Variants in CELF6 observed in about 807,000 individuals in gnomAD.
CELF6 encodes CUGBP Elav-like family member 6.
Under a neutral mutation model 53.1 loss-of-function variants are expected in CELF6, and 32 were observed. That is an observed-to-expected ratio of 0.60 (90% CI 0.46 to 0.81). The LOEUF is 0.81. Ranked by LOEUF, CELF6 falls within the 30% of genes least tolerant of loss-of-function variation. CELF6 has a pLI of 0.00. For missense variants in CELF6, 539 were observed against 669.5 expected, an observed-to-expected ratio of 0.81 and a Z score of 2.15; for synonymous variants, 291 against 288.8, an observed-to-expected ratio of 1.01 and a Z score of -0.08.
intron 3 of CELF6, among the ~76,000 whole-genome samples, chr15:72,297,793 G>T (rs372805431): frequency 6.6e-5 from 10 of 152,320 alleles, no homozygotes; most frequent in African/African-American, 2.4e-4. Context: ...TCTGCAAGAA[G>T]AAAAAGTTCT....
At chr15:72,300,856 A>G (rs1299923997) in intron 3 of CELF6, among the ~76,000 whole-genome samples, 2 of 152,144 alleles carry the variant, frequency 1.3e-5, no homozygotes, top group East Asian at 1.9e-4. Context: ...AAAAAAACTC[A>G]TGTGTGCACA....
intron 2 of CELF6, 61 bp from the exon 3 acceptor site, chr15:72,304,855 C>T (rs1433297398): frequency 6.5e-7 from 1 of 1,530,426 alleles, no homozygotes; most frequent in Non-Finnish European, 9.0e-7. Context: ...GAGCCCCCAG[C>T]TTCTCGAACC....
At chr15:72,291,159 A>G (rs1438098130) in intron 3 of CELF6, among the ~76,000 whole-genome samples, 1 of 152,006 alleles carries the variant, frequency 6.6e-6, no homozygotes, top group African/African-American at 2.4e-5. Flanking sequence ...CCCTGTGTCC[A>G]CCCTTTCTAT....
intron 3 of CELF6, among the ~76,000 whole-genome samples, chr15:72,298,579 G>A (rs543570915): frequency 6.6e-6 from 1 of 152,288 alleles, no homozygotes; most frequent in East Asian, 1.9e-4. Flanking sequence ...CTGAGTAAAG[G>A]ACACAGCCAA....
chr15:72,310,983 C>T (rs1392463812), intron 2 of CELF6, among the ~76,000 whole-genome samples: 1 of 152,136 alleles, frequency 6.6e-6, no homozygotes, highest in Admixed American at 6.5e-5. Flanking sequence ...TTGCTAGACA[C>T]CTTCCCTGCC....
At chr15:72,311,255 C>T (rs1474233618) in intron 2 of CELF6, among the ~76,000 whole-genome samples, 1 of 151,586 alleles carries the variant, frequency 6.6e-6, no homozygotes, top group Non-Finnish European at 1.5e-5. Context: ...CCCGCCTCAG[C>T]CTCCCAAAGC....
At position 72,319,900 on chromosome 15, in the gene CELF6, CGGTCCCACT is replaced by C. The variant is rs2088407623; in HGVS notation, c.-35_-27del. The C allele has an allele frequency of 5.5e-6, 8 of 1,442,614 alleles. No homozygotes were observed. Among genetic ancestry groups the C allele is most frequent in the Non-Finnish European group, 6.3e-6 (7 of 1,102,814 alleles). 89.4% of individuals were successfully genotyped at this position (1,442,614 alleles called of 1,614,324 possible). A position where few individuals can be genotyped will look rare whatever the true frequency, so the allele number is the denominator to read the frequency against. On this transcript the variant is annotated 5_prime_UTR_variant, in exon 1 of 13. Coordinates refer to ENST00000287202, the MANE Select transcript of CELF6 (RefSeq NM_052840.5). The surrounding 1 kb of genome is among the most constrained non-coding windows in gnomAD (Gnocchi z 5.0). ...GTCCCCGCCCTGTCAGCCCTCCCGC[CGGTCCCACT>C]GGTCCCGCCTGTCCCGCCGTCCCCT...
At chr15:72,302,783 G>A (rs1413019755) in intron 3 of CELF6, among the ~76,000 whole-genome samples, 1 of 152,154 alleles carries the variant, frequency 6.6e-6, no homozygotes, top group Non-Finnish European at 1.5e-5. Context: ...TGCCCAACAT[G>A]CTTGCTCCCT....
intron 2 of CELF6, among the ~76,000 whole-genome samples, chr15:72,306,839 G>T (rs576231560): frequency 3.9e-5 from 6 of 152,236 alleles, no homozygotes; most frequent in African/African-American, 1.4e-4. Context: ...GATTGTGGAG[G>T]AAAGACCAAG....
chr15:72,292,691 G>A (rs1179968351), intron 3 of CELF6, among the ~76,000 whole-genome samples: 1 of 152,242 alleles, frequency 6.6e-6, no homozygotes, highest in Non-Finnish European at 1.5e-5. Flanking sequence ...TTCTGCTGAT[G>A]GTGAAATTTT....
chr15:72,284,964 G>C lies in CELF6; in HGVS notation c.*1407C>G, dbSNP rs1319905186. On this transcript the variant is annotated 3_prime_UTR_variant, in exon 13 of 13. Transcript: ENST00000287202. ...TGCAAGGCCCTACAGGCCCAGGAAA[G>C]GCTGACCAAGGCAAGGTGAGTCATG... 6.5e-6 allele frequency: 1 copy of C among 152,716 alleles called. No individual in the cohort carries two copies. Among genetic ancestry groups the C allele is most frequent in the Non-Finnish European group, 1.5e-5 (1 of 68,084 alleles). The allele number at this position is 152,716 out of a possible 1,614,324, so 9.5% of individuals were successfully genotyped here.
chr15:72,298,786 G>A (rs1325693235), intron 3 of CELF6, among the ~76,000 whole-genome samples: 2 of 152,198 alleles, frequency 1.3e-5, no homozygotes, highest in Non-Finnish European at 2.9e-5. Context: ...AAATATAAGT[G>A]AGGAAAAATC....
chr15:72,318,036 C>T (rs986151647), intron 1 of CELF6, among the ~76,000 whole-genome samples: 1 of 152,214 alleles, frequency 6.6e-6, no homozygotes, highest in Non-Finnish European at 1.5e-5. Flanking sequence ...GTATTCTATA[C>T]ACTTCCCTTA....
chr15:72,319,897 C>G lies in CELF6; in HGVS notation c.-23G>C. 1.4e-6 allele frequency: 2 copies of G among 1,443,980 alleles called. No homozygotes were observed. The highest frequency in any genetic ancestry group is 1.8e-6 in the Non-Finnish European group (2 of 1,103,248). 89.4% of individuals were successfully genotyped at this position (1,443,980 alleles called of 1,614,324 possible). The stretch of plus-strand genomic sequence containing the variant: ...CATGTCCCCGCCCTGTCAGCCCTCC[C>G]GCCGGTCCCACTGGTCCCGCCTGTC... On this transcript the variant is annotated 5_prime_UTR_variant, in exon 1 of 13. Coordinates refer to ENST00000287202, the MANE Select transcript of CELF6 (RefSeq NM_052840.5). The surrounding 1 kb of genome is among the most constrained non-coding windows in gnomAD (Gnocchi z 5.0).
intron 3 of CELF6, among the ~76,000 whole-genome samples, chr15:72,291,200 C>A (rs1176964071): frequency 1.3e-5 from 2 of 152,204 alleles, no homozygotes; most frequent in Non-Finnish European, 2.9e-5. Flanking sequence ...AAAGGGGCTG[C>A]AAGCTGGGCC....
intron 1 of CELF6, 24 bp from the exon 2 acceptor site, chr15:72,315,951 G>C: frequency 1.3e-6 from 2 of 1,547,384 alleles, no homozygotes; most frequent in Non-Finnish European, 1.8e-6. Flanking sequence ...GGCTGGCTCA[G>C]GGGGTTTCCT....
intron 3 of CELF6, among the ~76,000 whole-genome samples, chr15:72,291,236 G>A (rs1220771370): frequency 6.6e-6 from 1 of 152,170 alleles, no homozygotes; most frequent in African/African-American, 2.4e-5. Flanking sequence ...AAGCTGGAGA[G>A]CTGGGGCTGG....
intron 3 of CELF6, among the ~76,000 whole-genome samples, chr15:72,302,587 C>G (rs1346835397): frequency 6.6e-6 from 1 of 152,230 alleles, no homozygotes; most frequent in East Asian, 1.9e-4. Context: ...CAGAACACAT[C>G]AACCAGGCCA....
chr15:72,318,447 T>C (rs1435940729), intron 1 of CELF6, among the ~76,000 whole-genome samples: 1 of 152,156 alleles, frequency 6.6e-6, no homozygotes, highest in Non-Finnish European at 1.5e-5. Flanking sequence ...GGTGACTCTT[T>C]CCCAGCAAAA....
Sources: allele counts gnomAD v4.1 joint callset (sites outside exome capture counted in the v4.1 genomes callset), GRCh38; gene constraint gnomAD v4.1.1; non-coding constraint Gnocchi (gnomAD v3.1); transcripts MANE v1.5; gene names NCBI Gene and HGNC (gene_info 2026-07-23, HGNC 2026-07-21).